The following EPHA7 variants were observed in gnomAD, a reference collection of about 807,000 sequenced individuals.
EPHA7 encodes the protein EPH receptor A7, also known as ephrin type-A receptor 7.
A neutral mutation model predicts 112.6 loss-of-function variants in EPHA7; 25 were observed. That is an observed-to-expected ratio of 0.22 (90% confidence interval 0.16 to 0.31). The LOEUF is 0.31. Among genes scored for constraint, EPHA7 ranks in the 10% least tolerant of loss-of-function variants. The pLI, the probability that EPHA7 is intolerant of heterozygous loss-of-function variation, is 1.00. For synonymous variants in EPHA7, 437 were observed against 406.5 expected (o/e 1.07, Z -0.90); for missense variants, 962 against 1,212.6 (o/e 0.79, Z 3.07).
chr6:93,333,645 T>A (rs1233826267), intron 5 of EPHA7, among the ~76,000 whole-genome samples: 4 of 151,886 alleles, frequency 2.6e-5, no homozygotes, highest in Non-Finnish European at 5.9e-5. Context: ...AGCATTTTTT[T>A]ATGTATTTGC....
At chr6:93,381,317 T>C (rs932425644) in intron 3 of EPHA7, among the ~76,000 whole-genome samples, 11 of 152,192 alleles carry the variant, frequency 7.2e-5, no homozygotes, top group Non-Finnish European at 1.3e-4. Context: ...GATACCTATC[T>C]CATTTTCATA....
intron 3 of EPHA7, among the ~76,000 whole-genome samples, chr6:93,391,032 T>C (rs766517760): frequency 6.6e-6 from 1 of 151,972 alleles, no homozygotes; most frequent in Non-Finnish European, 1.5e-5. Flanking sequence ...CCCCAATATA[T>C]TACATTCCCA....
intron 3 of EPHA7, among the ~76,000 whole-genome samples, chr6:93,362,503 C>T (rs916779135): frequency 1.3e-5 from 2 of 151,946 alleles, no homozygotes; most frequent in Non-Finnish European, 2.9e-5. Context: ...TAAAAAAGCA[C>T]CAAAATTCTG....
intron 3 of EPHA7, among the ~76,000 whole-genome samples, chr6:93,366,705 C>G (rs1354657000): frequency 6.6e-6 from 1 of 152,136 alleles, no homozygotes; most frequent in Non-Finnish European, 1.5e-5. Flanking sequence ...CGGTTTACCT[C>G]TCGCTTTCAC....
chr6:93,242,955 G>A lies in EPHA7; in HGVS notation c.*471C>T, dbSNP rs1769748653. On this transcript the variant is annotated 3_prime_UTR_variant, in exon 17 of 17. Coordinates refer to ENST00000369303, the MANE Select transcript of EPHA7 (RefSeq NM_004440.4). ...AGATTTAACACTAAAAAGGTCCAAA[G>A]CTATAAACAGCTTTCTAAAACAAAG... The A allele has an allele frequency of 4.6e-6, 1 of 218,490 alleles. No homozygotes were observed. The highest frequency in any genetic ancestry group is 2.2e-5 in the African/African-American group (1 of 44,488). The allele number at this position is 218,490 out of a possible 1,614,324, so 13.5% of individuals were successfully genotyped here.
At chr6:93,405,745 G>A (rs1452258384) in intron 3 of EPHA7, among the ~76,000 whole-genome samples, 1 of 147,280 alleles carries the variant, frequency 6.8e-6, no homozygotes, top group Non-Finnish European at 1.5e-5. Context: ...CGGCATCTGA[G>A]CTACTAACCC....
At chr6:93,372,348 A>G (rs959906131) in intron 3 of EPHA7, among the ~76,000 whole-genome samples, 2 of 152,106 alleles carry the variant, frequency 1.3e-5, no homozygotes, top group Admixed American at 1.3e-4. Flanking sequence ...GGGGAGTTAC[A>G]ACCTTATAAG....
chr6:93,390,643 A>T (rs995903354), intron 3 of EPHA7, among the ~76,000 whole-genome samples: 4 of 151,778 alleles, frequency 2.6e-5, no homozygotes, highest in South Asian at 2.1e-4. Context: ...AATTGTAACA[A>T]TTAGAGTGTC....
chr6:93,400,084 G>C (rs1031707284), intron 3 of EPHA7, among the ~76,000 whole-genome samples: 1 of 152,044 alleles, frequency 6.6e-6, no homozygotes, highest in East Asian at 1.9e-4. Flanking sequence ...ATCTCTCTTC[G>C]AGGATAAAAG....
chr6:93,368,193 T>A (rs979037969), intron 3 of EPHA7, among the ~76,000 whole-genome samples: 6 of 152,166 alleles, frequency 3.9e-5, no homozygotes, highest in African/African-American at 1.2e-4. Context: ...ATTTCTGATA[T>A]TTAATAGTAA....
At chr6:93,307,699 T>C (rs773424769) in intron 5 of EPHA7, among the ~76,000 whole-genome samples, 7 of 152,158 alleles carry the variant, frequency 4.6e-5, no homozygotes, top group Non-Finnish European at 8.8e-5. Context: ...GTAAGATATG[T>C]ATGCACATAT....
At chr6:93,290,531 T>C (rs770684365) in intron 5 of EPHA7, among the ~76,000 whole-genome samples, 1 of 151,894 alleles carries the variant, frequency 6.6e-6, no homozygotes, top group Non-Finnish European at 1.5e-5. Context: ...CTGGAATTAG[T>C]CCCTAGAAGT....
chr6:93,287,159 T>A (rs1772107704), intron 5 of EPHA7, among the ~76,000 whole-genome samples: 1 of 152,204 alleles, frequency 6.6e-6, no homozygotes, highest in Non-Finnish European at 1.5e-5. Flanking sequence ...TCCTATCTAT[T>A]GGATTCTTCC....
At chr6:93,247,682 T>TA (rs1208864706) in intron 14 of EPHA7, among the ~76,000 whole-genome samples, 1 of 152,138 alleles carries the variant, frequency 6.6e-6, no homozygotes, top group Non-Finnish European at 1.5e-5. Context: ...AGCTGGTTTT[T>TA]ATTATTATTT....
At chr6:93,344,247 AGTTT>A (rs1187873352) in intron 5 of EPHA7, among the ~76,000 whole-genome samples, 1 of 151,606 alleles carries the variant, frequency 6.6e-6, no homozygotes, top group African/African-American at 2.4e-5. Flanking sequence ...ATAAATGCAT[AGTTT>A]ATCTTTGTAC....
chr6:93,328,094 A>G (rs556551363), intron 5 of EPHA7, among the ~76,000 whole-genome samples: 1 of 151,484 alleles, frequency 6.6e-6, no homozygotes, highest in African/African-American at 2.4e-5. Flanking sequence ...GGACCTGCAC[A>G]GGCTGTTCTC....
intron 3 of EPHA7, among the ~76,000 whole-genome samples, chr6:93,385,701 G>T (rs149917995): frequency 5.1e-4 from 77 of 152,058 alleles, no homozygotes; most frequent in African/African-American, 1.8e-3. Context: ...CATAGAGATG[G>T]TGATGTGTGG....
intron 3 of EPHA7, among the ~76,000 whole-genome samples, chr6:93,392,807 C>T (rs752383499): frequency 1.4e-4 from 21 of 151,626 alleles, no homozygotes; most frequent in Non-Finnish European, 4.4e-5. Context: ...AAGCAATATG[C>T]ATAATGTCTA....
At chr6:93,378,431 A>T (rs1396285958) in intron 3 of EPHA7, among the ~76,000 whole-genome samples, 1 of 152,174 alleles carries the variant, frequency 6.6e-6, no homozygotes, top group African/African-American at 2.4e-5. Flanking sequence ...GCAAGATGAC[A>T]TGTAAGAAGA....
Sources: gnomAD v4.1 joint callset for allele counts (sites outside exome capture counted in the v4.1 genomes callset) on GRCh38, gnomAD v4.1.1 for gene constraint, MANE v1.5 for transcripts, NCBI Gene and HGNC (gene_info 2026-07-23, HGNC 2026-07-21) for gene names.